The following SPAST variants were observed in gnomAD, a reference collection of about 807,000 sequenced individuals.
The protein encoded by SPAST is spastin.
SPAST carries 30 observed loss-of-function variants against 76.6 expected under a neutral mutation model. The observed-to-expected ratio is 0.39, with a 90% CI of 0.29 to 0.53. The LOEUF (loss-of-function observed/expected upper bound fraction) is 0.53. SPAST is among the 20% of genes least tolerant of loss of function. The pLI is 0.68. For synonymous variants in SPAST, 305 were observed against 281.0 expected (o/e 1.09, Z -0.86); for missense variants, 717 against 770.5 (o/e 0.93, Z 0.82).
At chr2:32,111,504 A>G (rs962648648) in intron 4 of SPAST, among the ~76,000 whole-genome samples, 1 of 151,140 alleles carries the variant, frequency 6.6e-6, no homozygotes, top group African/African-American at 2.4e-5. Context: ...AGTAATATCA[A>G]AAAACCATAG....
chr2:32,068,751 G>T (rs548560577), intron 1 of SPAST, among the ~76,000 whole-genome samples: 5 of 152,126 alleles, frequency 3.3e-5, no homozygotes, highest in Admixed American at 3.3e-4. Context: ...AACTTTAGCC[G>T]GATGTGGTGG....
At chr2:32,132,158 G>C (rs1428500190) in intron 9 of SPAST, among the ~76,000 whole-genome samples, 3 of 152,162 alleles carry the variant, frequency 2.0e-5, no homozygotes, top group Non-Finnish European at 2.9e-5. Flanking sequence ...GGGAGGCCAA[G>C]GCAGGTGGAT....
chr2:32,083,749 A>ATTTTT, intron 1 of SPAST, among the ~76,000 whole-genome samples: 1 of 54,296 alleles, frequency 1.8e-5, no homozygotes, highest in East Asian at 7.0e-4. Context: ...ATTTATATAT[A>ATTTTT]CTATATATAT....
At chr2:32,135,319 C>T (rs1286288121) in intron 9 of SPAST, among the ~76,000 whole-genome samples, 2 of 151,646 alleles carry the variant, frequency 1.3e-5, no homozygotes. Flanking sequence ...TTAGTAGAGA[C>T]GAGGTTTCAC....
At chr2:32,077,618 C>G (rs1376122888) in intron 1 of SPAST, among the ~76,000 whole-genome samples, 2 of 152,114 alleles carry the variant, frequency 1.3e-5, no homozygotes, top group Admixed American at 6.6e-5. Flanking sequence ...GGAACAAGGA[C>G]TTAAATCTTT....
chr2:32,115,556 C>T (rs1023379940), intron 5 of SPAST, 146 bp from the exon 6 acceptor site: 2 of 587,120 alleles, frequency 3.4e-6, no homozygotes, highest in Non-Finnish European at 6.0e-6. Context: ...GTTTTACCTT[C>T]AGGTAAATAA....
At chr2:32,150,400 T>C (rs1201495562) in intron 16 of SPAST, among the ~76,000 whole-genome samples, 2 of 151,390 alleles carry the variant, frequency 1.3e-5, no homozygotes, top group African/African-American at 4.8e-5. Flanking sequence ...TGAAAGCTTT[T>C]AGTTTTCTAA....
At chr2:32,107,683 T>A (rs897393164) in intron 4 of SPAST, among the ~76,000 whole-genome samples, 1 of 152,134 alleles carries the variant, frequency 6.6e-6, no homozygotes, top group Non-Finnish European at 1.5e-5. Flanking sequence ...TGCAAAAAAA[T>A]GTAAAAACCC....
intron 4 of SPAST, among the ~76,000 whole-genome samples, chr2:32,110,736 C>CA (rs1558320088): frequency 1.0e-4 from 12 of 119,018 alleles, no homozygotes; most frequent in African/African-American, 4.0e-4. Context: ...ATATAGTACA[C>CA]TGTATAGTAT....
At chr2:32,105,204 A>C (rs546823609) in intron 4 of SPAST, among the ~76,000 whole-genome samples, 1 of 151,966 alleles carries the variant, frequency 6.6e-6, no homozygotes, top group East Asian at 1.9e-4. Context: ...CATTCATTTG[A>C]TCTTCAATCA....
At chr2:32,099,300 T>G (rs1678032305) in intron 4 of SPAST, among the ~76,000 whole-genome samples, 1 of 152,208 alleles carries the variant, frequency 6.6e-6, no homozygotes, top group Admixed American at 6.6e-5. Flanking sequence ...CAATTTTCAT[T>G]TATAGTATAT....
intron 4 of SPAST, among the ~76,000 whole-genome samples, chr2:32,103,853 C>T (rs1271213389): frequency 6.6e-6 from 1 of 152,070 alleles, no homozygotes; most frequent in African/African-American, 2.4e-5. Flanking sequence ...AATTTCTGTT[C>T]TTTTACATTT....
At chr2:32,132,461 T>C (rs1679401809) in intron 9 of SPAST, among the ~76,000 whole-genome samples, 1 of 152,080 alleles carries the variant, frequency 6.6e-6, no homozygotes, top group African/African-American at 2.4e-5. Flanking sequence ...CTAATACAAT[T>C]TTTTCCTTAT....
At position 32,065,105 on chromosome 2, in the gene SPAST, C is replaced by T. The variant is rs560818708; in HGVS notation, c.415+859C>T. ...TGCAGTCTCGGCTCACTGCAACCTC[C>T]GACTCCCTGGTTCCAGCGATTCTCC... is the stretch of plus-strand genomic sequence containing the variant. On this transcript the variant is annotated intron_variant, in intron 1 of 16. Coordinates refer to ENST00000315285, the MANE Select transcript of SPAST (RefSeq NM_014946.4). 2.6e-5 allele frequency among the ~76,000 whole-genome samples: 4 copies of T among 151,992 alleles called. No homozygotes were observed. In the South Asian group the frequency reaches 8.3e-4, roughly 32 times the overall value.
At chr2:32,093,760 C>G (rs1348550985) in intron 3 of SPAST, among the ~76,000 whole-genome samples, 1 of 152,124 alleles carries the variant, frequency 6.6e-6, no homozygotes, top group Non-Finnish European at 1.5e-5. Context: ...ACCCTTGGCA[C>G]TATACCTGAT....
Position 32,126,934 on chromosome 2 carries a change from T to G in SPAST, c.1099-14T>G, listed in dbSNP as rs1457222164. The G allele has an allele frequency of 1.3e-6, 2 of 1,559,808 alleles. No homozygotes were observed. The highest frequency in any genetic ancestry group is 2.2e-5 in the South Asian group (2 of 89,850). On this transcript the variant is annotated splice_polypyrimidine_tract_variant and intron_variant, in intron 7 of 16. Coordinates refer to ENST00000315285, the MANE Select transcript of SPAST (RefSeq NM_014946.4). ...CTAGAATCATAGTTGTAAACTAAAGTATATATTTTTTAGTTGTTCACAGGG... is the reference window on the plus strand; with the variant it reads ...CTAGAATCATAGTTGTAAACTAAAGGATATATTTTTTAGTTGTTCACAGGG...
chr2:32,083,772 ATATATTTT>A (rs1558620291), intron 1 of SPAST, among the ~76,000 whole-genome samples: 4 of 51,160 alleles, frequency 7.8e-5, no homozygotes, highest in South Asian at 7.2e-4. Context: ...ATATATATAT[ATATATTTT>A]TTTTTTTTTT....
chr2:32,099,671 A>T (rs1375187432), intron 4 of SPAST, among the ~76,000 whole-genome samples: 1 of 152,074 alleles, frequency 6.6e-6, no homozygotes, highest in Non-Finnish European at 1.5e-5. Context: ...TGTTGGAAAC[A>T]TTCAGTATTT....
chr2:32,138,866 T>C (rs1679626166), intron 12 of SPAST, among the ~76,000 whole-genome samples: 1 of 152,204 alleles, frequency 6.6e-6, no homozygotes, highest in Admixed American at 6.5e-5. Context: ...CCAGTTTCAT[T>C]TTTCTACATA....
Sources: gnomAD v4.1 joint callset for allele counts (sites outside exome capture counted in the v4.1 genomes callset) on GRCh38, gnomAD v4.1.1 for gene constraint, MANE v1.5 for transcripts, NCBI Gene and HGNC (gene_info 2026-07-23, HGNC 2026-07-21) for gene names.